Variants in GCNT4 observed in about 807,000 individuals in gnomAD.
GCNT4 encodes beta-1,3-galactosyl-O-glycosyl-glycoprotein beta-1,6-N-acetylglucosaminyltransferase 4.
A neutral mutation model predicts 31.3 loss-of-function variants in GCNT4; 17 were observed. That is an observed-to-expected ratio of 0.54 (90% CI 0.37 to 0.81). The LOEUF (loss-of-function observed/expected upper bound fraction) is 0.81. Ranked by LOEUF, GCNT4 falls within the 40% of genes least tolerant of loss-of-function variation. The probability of loss-of-function intolerance (pLI) is 0.00; values close to 1 mark genes in which losing one functional copy is unlikely to be tolerated. For missense variants in GCNT4, 503 were observed against 525.5 expected (o/e 0.96, Z 0.42); for synonymous variants, 158 against 190.6 (o/e 0.83, Z 1.41).
the GCNT4 span, among the ~76,000 whole-genome samples, chr5:75,017,697 T>C: frequency 6.6e-6 from 1 of 152,030 alleles, no homozygotes; most frequent in African/African-American, 2.4e-5. Flanking sequence ...ACAAAGACCC[T>C]CCGGAGCCAG....
intron 3 of GCNT4, chr5:75,030,360 G>A (rs547980783): frequency 1.2e-5 from 3 of 241,624 alleles, no homozygotes; most frequent in Non-Finnish European, 2.6e-5. Context: ...TATTTGAGGA[G>A]GGATTGCTCT....
chr5:75,048,331 A>G (rs1264655751), intron 2 of GCNT4, among the ~76,000 whole-genome samples: 1 of 152,180 alleles, frequency 6.6e-6, no homozygotes, highest in East Asian at 1.9e-4. Context: ...GGATCTAGTA[A>G]GATAAATTTT....
downstream of GCNT4, among the ~76,000 whole-genome samples, chr5:75,021,592 G>C (rs1157899563): frequency 6.6e-6 from 1 of 152,210 alleles, no homozygotes; most frequent in Non-Finnish European, 1.5e-5. Flanking sequence ...CAAGCAGTCT[G>C]ATCACAGATC....
intron 2 of GCNT4, among the ~76,000 whole-genome samples, chr5:75,049,934 A>T (rs1743530828): frequency 6.6e-6 from 1 of 152,376 alleles, no homozygotes; most frequent in South Asian, 2.1e-4. Flanking sequence ...ACCAGCACTA[A>T]GGTTTACTGA....
In GCNT4 at chr5:75,029,411, G is replaced by A. The variant is rs1357115214; in HGVS notation, c.627C>T (p.Cys209=). The A allele has an allele frequency of 1.2e-6, 2 of 1,614,032 alleles. No homozygotes were observed. Among genetic ancestry groups the A allele is most frequent in the East Asian group, 4.5e-5 (2 of 44,896 alleles). Reference sequence around the variant, plus strand: ...TTGAAGACTTCAGAAGGTCCGACAAGCAATTTAAATCAGCCTGGAGTCTGG... The same window carrying A: ...TTGAAGACTTCAGAAGGTCCGACAAACAATTTAAATCAGCCTGGAGTCTGG... ...HISRLQADLN[C]LSDLLKSSIQ... Residue 209 remains cysteine, a synonymous_variant, in exon 4 of 4, where the codon TGC becomes TGT. Transcript: ENST00000652361.
At chr5:75,052,779 C>T (rs1743608125), upstream of GCNT4, 1 of 152,270 alleles carries the variant, frequency 6.6e-6, no homozygotes, top group African/African-American at 2.4e-5. Flanking sequence ...TCGCTTGTCC[C>T]CTCTGGTCCA....
At position 75,036,190 on chromosome 5, in the gene GCNT4, G is replaced by A. The variant is rs553233060; in HGVS notation, c.-1-6152C>T. Among the ~76,000 whole-genome samples, 146 of 151,628 alleles carry A rather than the reference G, an allele frequency of 9.6e-4. 3 individuals carry two copies. In the South Asian group the frequency reaches 0.029, roughly 31 times the overall value. On this transcript the variant is annotated intron_variant, in intron 3 of 3. Coordinates refer to ENST00000652361, the MANE Select transcript of GCNT4 (RefSeq NM_001366737.1). ...AAACCTGTGTATAATTGGACCCCCT[G>A]AAGTTCAAACCTGTGTTGTTCAAGG...
At chr5:75,033,338 A>T (rs1026863132) in intron 3 of GCNT4, among the ~76,000 whole-genome samples, 25 of 152,318 alleles carry the variant, frequency 1.6e-4, no homozygotes, top group African/African-American at 5.3e-4. Flanking sequence ...CTGCCCAGAC[A>T]TAGAAGCTCA....
At chr5:75,049,173 G>A (rs1490857332) in intron 2 of GCNT4, among the ~76,000 whole-genome samples, 4 of 152,172 alleles carry the variant, frequency 2.6e-5, no homozygotes, top group Non-Finnish European at 5.9e-5. Context: ...TCGCTTAGCA[G>A]AAATTCAATC....
intron 3 of GCNT4, among the ~76,000 whole-genome samples, chr5:75,047,079 A>C (rs1207080764): frequency 6.6e-6 from 1 of 152,140 alleles, no homozygotes; most frequent in Non-Finnish European, 1.5e-5. Flanking sequence ...CATTTTTATA[A>C]TTTCCTACTT....
intron 3 of GCNT4, among the ~76,000 whole-genome samples, chr5:75,037,832 C>G (rs2149964410): frequency 6.6e-6 from 1 of 151,620 alleles, no homozygotes; most frequent in South Asian, 2.1e-4. Flanking sequence ...GAGCTGAGAT[C>G]ATGCCAGTGC....
chr5:75,026,655 A>G lies in GCNT4; in HGVS notation c.*2021T>C, dbSNP rs1742950442. ...ATTTCAATCGATTCTCACAAAAAAAAAAAAAAAAAAAAAAAAACACTTGTG... is the reference window on the plus strand; with the variant it reads ...ATTTCAATCGATTCTCACAAAAAAAGAAAAAAAAAAAAAAAAACACTTGTG... On this transcript the variant is annotated 3_prime_UTR_variant, in exon 4 of 4. Transcript: ENST00000652361. 6.6e-6 allele frequency: 1 copy of G among 150,434 alleles called. No individual in the cohort carries two copies. The highest frequency in any genetic ancestry group is 2.1e-4 in the South Asian group (1 of 4,780). 9.3% of individuals were successfully genotyped at this position (150,434 alleles called of 1,614,324 possible).
intron 3 of GCNT4, chr5:75,030,243 T>C: frequency 3.7e-6 from 2 of 535,608 alleles, no homozygotes. Flanking sequence ...CTGTGTTAAC[T>C]ATACCTAATT....
At chr5:75,051,093 C>CTG (rs1317432789) in intron 2 of GCNT4, among the ~76,000 whole-genome samples, 1 of 152,234 alleles carries the variant, frequency 6.6e-6, no homozygotes, top group Non-Finnish European at 1.5e-5. Flanking sequence ...TTTCTTCCAC[C>CTG]TCTCAGGCTC....
At chr5:75,050,785 C>T (rs995296214) in intron 2 of GCNT4, among the ~76,000 whole-genome samples, 1 of 152,200 alleles carries the variant, frequency 6.6e-6, no homozygotes, top group African/African-American at 2.4e-5. Flanking sequence ...TCTCCAGAGC[C>T]GGCCTTGAAT....
downstream of GCNT4, among the ~76,000 whole-genome samples, chr5:75,023,142 A>T (rs895660335): frequency 6.6e-6 from 1 of 152,248 alleles, no homozygotes; most frequent in South Asian, 2.1e-4. Flanking sequence ...GTCAGTCATC[A>T]AAGTTAAGCC....
At chr5:75,040,299 T>C (rs1743291229) in intron 3 of GCNT4, among the ~76,000 whole-genome samples, 1 of 151,786 alleles carries the variant, frequency 6.6e-6, no homozygotes, top group Non-Finnish European at 1.5e-5. Context: ...ATCTCTCTCC[T>C]ATCACACTCC....
intron 3 of GCNT4, among the ~76,000 whole-genome samples, chr5:75,042,218 T>C (rs1172741956): frequency 6.6e-6 from 1 of 152,222 alleles, no homozygotes; most frequent in African/African-American, 2.4e-5. Context: ...CATTTTATGT[T>C]TCATGTTCTA....
intron 2 of GCNT4, among the ~76,000 whole-genome samples, chr5:75,048,988 T>G (rs1743507665): frequency 6.6e-6 from 1 of 152,320 alleles, no homozygotes; most frequent in South Asian, 2.1e-4. Flanking sequence ...GGCCACACTT[T>G]GAGAACCGCT....
Sources: allele counts gnomAD v4.1 joint callset (sites outside exome capture counted in the v4.1 genomes callset), GRCh38; gene constraint gnomAD v4.1.1; transcripts MANE v1.5; gene names NCBI Gene and HGNC (gene_info 2026-07-23, HGNC 2026-07-21).